BTBD9: variants seen among roughly 807,000 people sequenced by gnomAD.
The protein encoded by BTBD9 is BTB domain containing 9.
In BTBD9, 49 loss-of-function variants were observed where a neutral mutation model predicts 64.3. That is an observed-to-expected ratio of 0.76 (90% CI 0.61 to 0.97). The LOEUF is 0.97. Among genes scored for constraint, BTBD9 ranks in the 50% least tolerant of loss-of-function variants. The pLI is 0.00. For missense variants in BTBD9, 598 were observed against 762.1 expected (o/e 0.78, Z 2.53); for synonymous variants, 260 against 274.7 (o/e 0.95, Z 0.53).
At chr6:38,510,475 T>G (rs1772727154) in intron 6 of BTBD9, among the ~76,000 whole-genome samples, 1 of 152,210 alleles carries the variant, frequency 6.6e-6, no homozygotes, top group Admixed American at 6.5e-5. Context: ...ACAGCTGACT[T>G]TATAAATACT....
At chr6:38,196,936 G>A (rs1301529910) in intron 9 of BTBD9, among the ~76,000 whole-genome samples, 1 of 152,192 alleles carries the variant, frequency 6.6e-6, no homozygotes, top group African/African-American at 2.4e-5. Flanking sequence ...AAGAGATATT[G>A]TTGTCAGAGT....
At chr6:38,465,717 A>ATATT (rs1770332434) in intron 6 of BTBD9, among the ~76,000 whole-genome samples, 1 of 34,924 alleles carries the variant, frequency 2.9e-5, no homozygotes, top group Non-Finnish European at 5.7e-5. Context: ...TTATATATAT[A>ATATT]TATATATATA....
At chr6:38,588,373 C>T in intron 4 of BTBD9, 1 of 853,694 alleles carries the variant, frequency 1.2e-6, no homozygotes. Flanking sequence ...TGCCTCTCAA[C>T]CTAGAATGGC....
chr6:38,398,056 T>C (rs1233883839), intron 6 of BTBD9, among the ~76,000 whole-genome samples: 1 of 152,208 alleles, frequency 6.6e-6, no homozygotes, highest in African/African-American at 2.4e-5. Flanking sequence ...CTGTGGATCT[T>C]GGACTTTATG....
rs570934268 is a variant in BTBD9, at chr6:38,191,917, G to T, written c.1641+602C>A. Among the ~76,000 whole-genome samples, 188 of 152,338 alleles carry T rather than the reference G, an allele frequency of 1.2e-3. 1 individual carries two copies. The highest frequency in any genetic ancestry group is 1.6e-3 in the African/African-American group (65 of 41,566). ...CAGAGCATTAAACCTCAAGCACTGG[G>T]TCCCATGCGACTGTCCTGGTGGCAC... is the stretch of plus-strand genomic sequence containing the variant. On this transcript the variant is annotated intron_variant, in intron 10 of 10. Transcript: ENST00000481247.
intron 6 of BTBD9, among the ~76,000 whole-genome samples, chr6:38,482,996 C>T (rs938859438): frequency 2.6e-5 from 4 of 152,074 alleles, no homozygotes; most frequent in African/African-American, 9.7e-5. Context: ...CAGCCCCTCT[C>T]CCATAATGAG....
chr6:38,575,623 A>G (rs1775988361), intron 6 of BTBD9, among the ~76,000 whole-genome samples: 1 of 152,222 alleles, frequency 6.6e-6, no homozygotes, highest in Non-Finnish European at 1.5e-5. Flanking sequence ...TCTTAGGTTC[A>G]TTTTTAAATA....
intron 10 of BTBD9, among the ~76,000 whole-genome samples, chr6:38,183,124 C>A (rs531609384): frequency 6.6e-6 from 1 of 151,978 alleles, no homozygotes; most frequent in Non-Finnish European, 1.5e-5. Context: ...GGACTACAGG[C>A]GCCCGCCACC....
At chr6:38,374,292 T>TATATATAC (rs1217899727) in intron 6 of BTBD9, among the ~76,000 whole-genome samples, 2 of 77,510 alleles carry the variant, frequency 2.6e-5, no homozygotes, top group African/African-American at 8.8e-5. Context: ...AGTATATATA[T>TATATATAC]ATATGTATAT....
intron 6 of BTBD9, among the ~76,000 whole-genome samples, chr6:38,547,247 G>C (rs1202349787): frequency 6.6e-6 from 1 of 152,134 alleles, no homozygotes; most frequent in Non-Finnish European, 1.5e-5. Flanking sequence ...TGAGCAATAT[G>C]GCAAAACCTT....
intron 6 of BTBD9, among the ~76,000 whole-genome samples, chr6:38,348,221 C>T (rs73422876): frequency 0.023 from 3,494 of 152,282 alleles, 128 homozygotes; most frequent in African/African-American, 0.08. Context: ...CTCTCTCTTT[C>T]TGCTTTTTCT....
At chr6:38,254,512 C>T (rs1378906496) in intron 9 of BTBD9, among the ~76,000 whole-genome samples, 3 of 152,000 alleles carry the variant, frequency 2.0e-5, no homozygotes, top group African/African-American at 4.8e-5. Context: ...TGGCATGCAG[C>T]TATAGTCCCA....
chr6:38,318,147 A>G (rs946989480), intron 7 of BTBD9, among the ~76,000 whole-genome samples: 1 of 152,038 alleles, frequency 6.6e-6, no homozygotes, highest in Non-Finnish European at 1.5e-5. Context: ...CACCCGCCTC[A>G]GCCTCCTAAA....
At chr6:38,443,670 C>T (rs1318413012) in intron 6 of BTBD9, among the ~76,000 whole-genome samples, 1 of 152,150 alleles carries the variant, frequency 6.6e-6, no homozygotes, top group African/African-American at 2.4e-5. Context: ...CTCATTTCCA[C>T]CTCTTACCCA....
intron 9 of BTBD9, among the ~76,000 whole-genome samples, chr6:38,249,754 G>C (rs946874268): frequency 2.5e-5 from 1 of 39,806 alleles, no homozygotes; most frequent in Non-Finnish European, 5.3e-5. Flanking sequence ...AGAGCATTAA[G>C]AATCAAAAAA....
At chr6:38,525,934 G>T (rs1457542580) in intron 6 of BTBD9, among the ~76,000 whole-genome samples, 1 of 152,182 alleles carries the variant, frequency 6.6e-6, no homozygotes, top group Non-Finnish European at 1.5e-5. Context: ...AAAATTTGCA[G>T]CCTGGCCCTG....
intron 6 of BTBD9, among the ~76,000 whole-genome samples, chr6:38,380,797 A>T: frequency 6.6e-6 from 1 of 152,208 alleles, no homozygotes; most frequent in East Asian, 1.9e-4. Context: ...GTGAGCTATG[A>T]TCATGACACT....
chr6:38,339,144 A>C (rs1764008695), intron 7 of BTBD9, among the ~76,000 whole-genome samples: 1 of 152,254 alleles, frequency 6.6e-6, no homozygotes, highest in Non-Finnish European at 1.5e-5. Flanking sequence ...TGGCAAAAAT[A>C]GGAAAAGACT....
chr6:38,186,888 C>G (rs2127480090), intron 10 of BTBD9, among the ~76,000 whole-genome samples: 1 of 152,272 alleles, frequency 6.6e-6, no homozygotes, highest in East Asian at 1.9e-4. Context: ...TTGTGGGCCC[C>G]TGAGCTCCCA....
Sources: allele counts gnomAD v4.1 joint callset (sites outside exome capture counted in the v4.1 genomes callset), GRCh38; gene constraint gnomAD v4.1.1; transcripts MANE v1.5; gene names NCBI Gene and HGNC (gene_info 2026-07-23, HGNC 2026-07-21).